NOX3: variants seen among roughly 807,000 people sequenced by gnomAD.
NOX3 encodes the protein NADPH oxidase catalytic subunit-like 3.
A neutral mutation model predicts 76.7 loss-of-function variants in NOX3; 74 were observed. The observed-to-expected ratio is 0.96, with a 90% CI of 0.80 to 1.17. The LOEUF is 1.17. Among genes scored for constraint, NOX3 ranks in the 50% most tolerant of loss-of-function variants. The pLI is 0.00. For synonymous variants in NOX3, 263 were observed against 261.1 expected (o/e 1.01, Z -0.07); for missense variants, 695 against 703.3 (o/e 0.99, Z 0.13).
intron 9 of NOX3, among the ~76,000 whole-genome samples, chr6:155,424,097 G>T (rs1390882030): frequency 6.6e-6 from 1 of 152,060 alleles, no homozygotes; most frequent in African/African-American, 2.4e-5. Context: ...TCTCTGGTAG[G>T]TCTTATCCCA....
intron 7 of NOX3, among the ~76,000 whole-genome samples, chr6:155,435,472 C>G (rs1045421683): frequency 6.6e-6 from 1 of 152,064 alleles, no homozygotes; most frequent in Admixed American, 6.5e-5. Flanking sequence ...TTAATCATTC[C>G]TCCTAGTACT....
In NOX3 at chr6:155,407,234, G is replaced by T. The variant is rs774533035; in HGVS notation, c.1476C>A (p.His492Gln). 6.2e-7 allele frequency: 1 copy of T among 1,613,746 alleles called. No homozygotes were observed. Among genetic ancestry groups the T allele is most frequent in the African/African-American group, 1.3e-5 (1 of 74,870 alleles). ...DENQALHIAL[H>Q]WDENTDVITG... ...TAATCACGTCAGTATTTTCGTCCCA[G>T]TGTAAAGCTATGTGAAGAGCCTAAA... The change falls in exon 12 of 14, where the codon CAC becomes CAA. Residue 492 changes from histidine (H) to glutamine (Q), a missense_variant. Coordinates refer to ENST00000159060, the MANE Select transcript of NOX3 (RefSeq NM_015718.3).
intron 4 of NOX3, among the ~76,000 whole-genome samples, chr6:155,444,869 T>A (rs1412211679): frequency 6.6e-6 from 1 of 152,234 alleles, no homozygotes; most frequent in Non-Finnish European, 1.5e-5. Flanking sequence ...TATATACCCC[T>A]GCACATACAC....
rs1480874142 is a variant in NOX3 at position 155,436,432 on chromosome 6, C to T, written c.784G>A (p.Gly262Ser). ...TTCATTCTTACCGAGGGTTCCTTGC[C>T]AGAAAATTGAGGCACGGGGCATTGG... ...VAQCPVPQFS[G>S]KEPSAWKWIL... The change falls in exon 7 of 14, where the codon GGC becomes AGC. Residue 262 changes from glycine (G) to serine (S), a missense_variant. Physicochemically the swap from Gly to Ser is moderately conservative, Grantham distance 56. Transcript: ENST00000159060. 2.7e-5 allele frequency: 44 copies of T among 1,613,998 alleles called. No individual in the cohort carries two copies. Among genetic ancestry groups the T allele is most frequent in the Non-Finnish European group, 3.7e-5 (44 of 1,179,986 alleles).
chr6:155,444,912 G>A (rs1184510759), intron 4 of NOX3, among the ~76,000 whole-genome samples: 1 of 152,152 alleles, frequency 6.6e-6, no homozygotes, highest in Non-Finnish European at 1.5e-5. Flanking sequence ...GTTATTTCTG[G>A]TGGATTGAAA....
rs1437653964 is a variant in NOX3, at chr6:155,407,124, C to T, written c.1580+6G>A. 2 of 1,613,790 alleles carry T rather than the reference C, an allele frequency of 1.2e-6. No individual in the cohort carries two copies. The highest frequency in any genetic ancestry group is 1.3e-5 in the African/African-American group (1 of 75,000). On this transcript the variant is annotated splice_donor_region_variant and intron_variant, in intron 12 of 13. Coordinates refer to ENST00000159060, the MANE Select transcript of NOX3 (RefSeq NM_015718.3). ...TGGCAGGGAGAGGAGCAAGAGCTTG[C>T]CTTACCTGGGGTGATTGTAGGCAAT...
chr6:155,439,121 A>G (rs574241678), intron 6 of NOX3, among the ~76,000 whole-genome samples: 1 of 152,224 alleles, frequency 6.6e-6, no homozygotes, highest in African/African-American at 2.4e-5. Flanking sequence ...TGGGGACAGC[A>G]GCACCTTCTC....
At chr6:155,451,091 T>C (rs1352082236) in intron 4 of NOX3, among the ~76,000 whole-genome samples, 1 of 151,980 alleles carries the variant, frequency 6.6e-6, no homozygotes, top group Admixed American at 6.6e-5. Context: ...TGATTCTCCT[T>C]CCTCAGCCTC....
At position 155,446,602 on chromosome 6, in the gene NOX3, A is replaced by C. The variant is rs560627854; in HGVS notation, c.341-3184T>G. Among the ~76,000 whole-genome samples, 5 of 152,268 alleles carry C rather than the reference A, an allele frequency of 3.3e-5. No homozygotes were observed. The East Asian group carries it at 9.6e-4, about 29-fold the overall frequency. On this transcript the variant is annotated intron_variant, in intron 4 of 13. Transcript: ENST00000159060. ...TCGGTGCCCCATCTTTTGACCATCA[A>C]GCTGTATTGCTTCGTTTGACTAATG... is the stretch of plus-strand genomic sequence containing the variant.
At chr6:155,423,979 G>A (rs1290753399) in intron 9 of NOX3, among the ~76,000 whole-genome samples, 3 of 152,072 alleles carry the variant, frequency 2.0e-5, no homozygotes, top group African/African-American at 7.2e-5. Context: ...TTGACCTCAT[G>A]ATCCGCTCAC....
chr6:155,414,623 CT>C (rs72348061), intron 10 of NOX3, among the ~76,000 whole-genome samples: 6,540 of 113,474 alleles, frequency 0.058, 193 homozygotes, highest in East Asian at 0.14. Flanking sequence ...TCTTTTCTTT[CT>C]TTTTTTTTTT....
At chr6:155,412,374 AG>A (rs1776562542) in intron 10 of NOX3, among the ~76,000 whole-genome samples, 1 of 152,250 alleles carries the variant, frequency 6.6e-6, no homozygotes, top group African/African-American at 2.4e-5. Context: ...CAAATTCATG[AG>A]ACAAAAATAA....
chr6:155,424,377 T>C (rs1266646976), intron 9 of NOX3, among the ~76,000 whole-genome samples: 2 of 152,218 alleles, frequency 1.3e-5, no homozygotes, highest in African/African-American at 4.8e-5. Context: ...GAATAAATTG[T>C]AAAGGGAATG....
At chr6:155,453,577 G>T in intron 3 of NOX3, 89 bp from the exon 4 acceptor site, 1 of 1,013,582 alleles carries the variant, frequency 9.9e-7, no homozygotes, top group Non-Finnish European at 1.6e-6. Context: ...ATCAGGCTCT[G>T]CCTCTAAACT....
In NOX3 at chr6:155,454,813, T is replaced by C. The variant is rs1777190120; in HGVS notation, c.253A>G (p.Ile85Val). 1.3e-6 allele frequency: 2 copies of C among 1,543,572 alleles called. No homozygotes were observed. Among genetic ancestry groups the C allele is most frequent in the Admixed American group, 2.0e-5 (1 of 49,984 alleles). ...NLISFIRGTSICCRGPWRRQL... is the reference protein window; with the variant it reads ...NLISFIRGTSVCCRGPWRRQL... ...ATTTCAGATATTTTAGTACTTACAA[T>C]ACTTGTTCCTCTTATGAATGAAATA... The change falls in exon 3 of 14, where the codon ATT becomes GTT. Residue 85 changes from isoleucine (I) to valine (V), a missense_variant and splice_region_variant. Ile to Val is a conservative substitution (Grantham distance 29). Transcript: ENST00000159060.
At chr6:155,442,956 T>C (rs947130820) in intron 5 of NOX3, among the ~76,000 whole-genome samples, 1 of 152,188 alleles carries the variant, frequency 6.6e-6, no homozygotes, top group Non-Finnish European at 1.5e-5. Flanking sequence ...TGAAAAAATA[T>C]CTAATCCTGA....
At chr6:155,408,039 C>T (rs777251536) in intron 11 of NOX3, among the ~76,000 whole-genome samples, 35 of 152,192 alleles carry the variant, frequency 2.3e-4, no homozygotes, top group Non-Finnish European at 2.2e-4. Context: ...AGTGCAGTGG[C>T]GTGATCTCGG....
intron 10 of NOX3, among the ~76,000 whole-genome samples, chr6:155,416,162 G>A (rs998326438): frequency 9.2e-5 from 14 of 152,222 alleles, no homozygotes; most frequent in Admixed American, 5.9e-4. Context: ...GCAGTGGCTT[G>A]CAGTGCCACC....
chr6:155,431,413 A>AACACACACACACACAC (rs61041630), intron 7 of NOX3, among the ~76,000 whole-genome samples: 1,592 of 144,704 alleles, frequency 0.011, 30 homozygotes, highest in East Asian at 0.088. Flanking sequence ...TAAACACAGA[A>AACACACACACACACAC]ACACACACAC....
Sources: gnomAD v4.1 joint callset for allele counts (sites outside exome capture counted in the v4.1 genomes callset) on GRCh38, gnomAD v4.1.1 for gene constraint, MANE v1.5 for transcripts, NCBI Gene and HGNC (gene_info 2026-07-23, HGNC 2026-07-21) for gene names.